Variants in ATG4B observed in about 807,000 individuals in gnomAD.
The protein encoded by ATG4B is autophagy related 4B cysteine peptidase, also known as cysteine protease ATG4B.
In ATG4B, 29 loss-of-function variants were observed where a neutral mutation model predicts 56.6. That is an observed-to-expected ratio of 0.51 (90% confidence interval 0.38 to 0.70). The LOEUF is 0.70. ATG4B is among the 30% of genes least tolerant of loss of function. The probability of loss-of-function intolerance (pLI) is 0.00; values close to 1 mark genes in which losing one functional copy is unlikely to be tolerated. For missense variants in ATG4B, 461 were observed against 515.5 expected (o/e 0.89, Z 1.02); for synonymous variants, 224 against 206.1 (o/e 1.09, Z -0.74).
chr2:241,672,049 G>C, intron 12 of ATG4B, 142 bp from the exon 13 acceptor site: 1 of 1,455,670 alleles, frequency 6.9e-7, no homozygotes, highest in Non-Finnish European at 9.1e-7. Context: ...ACAACCCCCG[G>C]ACCTGTTCAC....
intron 4 of ATG4B, 35 bp downstream of exon 4, chr2:241,653,645 G>C (rs186460507): frequency 6.5e-7 from 1 of 1,545,866 alleles, no homozygotes; most frequent in African/African-American, 1.4e-5. Context: ...GCATGGCCAC[G>C]GTGTTCTCAG....
intron 7 of ATG4B, among the ~76,000 whole-genome samples, chr2:241,661,759 C>T (rs144548975): frequency 5.3e-5 from 8 of 152,194 alleles, no homozygotes; most frequent in Non-Finnish European, 7.4e-5. Flanking sequence ...CCATCCCCCC[C>T]GCAACTCATC....
chr2:241,639,974 G>T (rs938840704), intron 1 of ATG4B, among the ~76,000 whole-genome samples: 6 of 152,146 alleles, frequency 3.9e-5, no homozygotes, highest in Admixed American at 6.5e-5. Flanking sequence ...TGAAGGTTGG[G>T]TTTCACTGGT....
chr2:241,643,900 C>T (rs1397796738), intron 1 of ATG4B, among the ~76,000 whole-genome samples: 1 of 152,050 alleles, frequency 6.6e-6, no homozygotes, highest in Non-Finnish European at 1.5e-5. Context: ...CCTTTTCTAT[C>T]AGGAGCTACA....
intron 1 of ATG4B, among the ~76,000 whole-genome samples, chr2:241,646,935 A>G (rs1360344273): frequency 6.6e-6 from 1 of 151,960 alleles, no homozygotes; most frequent in Non-Finnish European, 1.5e-5. Flanking sequence ...GGCACCTGCC[A>G]CCATGCCCGA....
intron 7 of ATG4B, among the ~76,000 whole-genome samples, chr2:241,662,703 G>T (rs1157226598): frequency 6.6e-6 from 1 of 152,248 alleles, no homozygotes; most frequent in Non-Finnish European, 1.5e-5. Flanking sequence ...CCACCGGGAA[G>T]CCTTTCTATC....
Position 241,650,997 on chromosome 2 carries a change from T to G in ATG4B, c.11-13T>G. The G allele has an allele frequency of 6.2e-7, 1 of 1,606,020 alleles. No homozygotes were observed. The highest frequency in any genetic ancestry group is 8.5e-7 in the Non-Finnish European group (1 of 1,174,546). ...ATAAGTGTCTGATGATTGTGCATCT[T>G]TGGTTTCAACAGCTACTCTGACCTA... On this transcript the variant is annotated splice_polypyrimidine_tract_variant and intron_variant, in intron 1 of 12. Coordinates refer to ENST00000404914, the MANE Select transcript of ATG4B (RefSeq NM_013325.5).
chr2:241,658,132 C>G (rs985802219), intron 6 of ATG4B, among the ~76,000 whole-genome samples: 17 of 152,254 alleles, frequency 1.1e-4, no homozygotes, highest in African/African-American at 1.9e-4. Flanking sequence ...CTTGTTTGCC[C>G]TCCGCCAGGT....
chr2:241,669,351 C>A (rs150987394), intron 10 of ATG4B, among the ~76,000 whole-genome samples: 1 of 152,170 alleles, frequency 6.6e-6, no homozygotes, highest in Non-Finnish European at 1.5e-5. Context: ...GTGGATGCTC[C>A]GCCCCATTTA....
intron 8 of ATG4B, among the ~76,000 whole-genome samples, 157 bp downstream of exon 8, chr2:241,666,995 G>A (rs1371238029): frequency 6.6e-6 from 1 of 152,206 alleles, no homozygotes; most frequent in Non-Finnish European, 1.5e-5. Context: ...AGGGGTGAGT[G>A]GGCGTGAGGC....
At chr2:241,661,288 A>G (rs532678590) in intron 7 of ATG4B, among the ~76,000 whole-genome samples, 99 of 152,368 alleles carry the variant, frequency 6.5e-4, no homozygotes, top group African/African-American at 2.2e-3. Context: ...GAAGAAAGGC[A>G]TCCACATCCA....
At position 241,668,298 on chromosome 2, in the gene ATG4B, A is replaced by T; in HGVS notation, c.811+77A>T. On this transcript the variant is annotated intron_variant, in intron 9 of 12. Transcript: ENST00000404914. The surrounding 1 kb of genome is among the most constrained non-coding windows in gnomAD (Gnocchi z 4.2). ...ATTCCATGAGCAGGTACCACACCCC[A>T]GGTGACCACTTGAGGCCACTGGTGG... 2 of 1,500,614 alleles carry T rather than the reference A, an allele frequency of 1.3e-6. No homozygotes were observed. The highest frequency in any genetic ancestry group is 2.4e-5 in the South Asian group (2 of 82,866). 93.0% of individuals were successfully genotyped at this position (1,500,614 alleles called of 1,614,324 possible).
intron 1 of ATG4B, among the ~76,000 whole-genome samples, chr2:241,648,981 C>A (rs1259546529): frequency 6.6e-6 from 1 of 152,368 alleles, no homozygotes; most frequent in East Asian, 1.9e-4. Context: ...GCCCTTCTGT[C>A]TGCCAGCCAG....
At position 241,672,374 on chromosome 2, in the gene ATG4B, C is replaced by CA; in HGVS notation, c.*110_*111insA. On this transcript the variant is annotated 3_prime_UTR_variant, in exon 13 of 13. Transcript: ENST00000404914. ...CGAGGGCTGCGCCCCGTGCTGCCTCCCCCCAGAGGGCCACCCGCTGTGCTC... is the reference window on the plus strand; with the variant it reads ...CGAGGGCTGCGCCCCGTGCTGCCTCCACCCCAGAGGGCCACCCGCTGTGCTC... 9.7e-7 allele frequency: 1 copy of CA among 1,033,786 alleles called. No individual in the cohort carries two copies. The highest frequency in any genetic ancestry group is 2.2e-5 in the Admixed American group (1 of 45,424). The allele number at this position is 1,033,786 out of a possible 1,614,324, so 64.0% of individuals were successfully genotyped here.
At chr2:241,662,709 C>G (rs2068625623) in intron 7 of ATG4B, among the ~76,000 whole-genome samples, 1 of 152,234 alleles carries the variant, frequency 6.6e-6, no homozygotes, top group East Asian at 1.9e-4. Flanking sequence ...GGAAGCCTTT[C>G]TATCAAAACA....
At chr2:241,663,745 C>T (rs183237470) in intron 7 of ATG4B, among the ~76,000 whole-genome samples, 1 of 151,748 alleles carries the variant, frequency 6.6e-6, no homozygotes, top group Admixed American at 6.6e-5. Context: ...CTTTGTGAGG[C>T]TGAGGCAGGA....
intron 12 of ATG4B, 32 bp downstream of exon 12, chr2:241,671,437 C>T (rs777155725): frequency 2.0e-5 from 33 of 1,609,774 alleles, no homozygotes; most frequent in South Asian, 1.6e-4. Flanking sequence ...TGGGGTCCCT[C>T]GGAGGTACGA....
chr2:241,657,596 C>T (rs1252591279), intron 6 of ATG4B, among the ~76,000 whole-genome samples: 1 of 152,256 alleles, frequency 6.6e-6, no homozygotes, highest in Non-Finnish European at 1.5e-5. Context: ...AGCCACCGCT[C>T]CTGGCCAATT....
At chr2:241,667,610 A>T (rs913562104) in intron 8 of ATG4B, among the ~76,000 whole-genome samples, 2 of 150,174 alleles carry the variant, frequency 1.3e-5, no homozygotes, top group Non-Finnish European at 1.5e-5. Flanking sequence ...TCTCAAATAA[A>T]AAAAAAAAAA....
Sources: allele counts gnomAD v4.1 joint callset (sites outside exome capture counted in the v4.1 genomes callset), GRCh38; gene constraint gnomAD v4.1.1; non-coding constraint Gnocchi (gnomAD v3.1); transcripts MANE v1.5; gene names NCBI Gene and HGNC (gene_info 2026-07-23, HGNC 2026-07-21).